The following FOXP2 variants were observed in gnomAD, a reference collection of about 807,000 sequenced individuals.
FOXP2 encodes forkhead box protein P2.
FOXP2 carries 12 observed loss-of-function variants against 115.8 expected under a neutral mutation model. The ratio of observed to expected loss-of-function variants is 0.10; its 90% confidence interval spans 0.07 to 0.17. The LOEUF is 0.17. FOXP2 is among the 10% of genes least tolerant of loss of function. The pLI is 1.00. For missense variants in FOXP2, 629 were observed against 843.5 expected, an observed-to-expected ratio of 0.75 and a Z score of 3.15; for synonymous variants, 328 against 297.7, an observed-to-expected ratio of 1.10 and a Z score of -1.05.
At chr7:114,145,431 T>TTTTTCTTTTTTCTTTTA (rs1554421627) in intron 1 of FOXP2, among the ~76,000 whole-genome samples, 2 of 100,446 alleles carry the variant, frequency 2.0e-5, no homozygotes, top group East Asian at 2.3e-4. Flanking sequence ...GCTTTGCCAT[T>TTTTTCTTTTTTCTTTTA]TTTTCTTTTC....
chr7:114,562,043 T>C (rs140744568), intron 3 of FOXP2, among the ~76,000 whole-genome samples: 9 of 152,242 alleles, frequency 5.9e-5, no homozygotes, highest in Non-Finnish European at 1.0e-4. Context: ...TACTCTCTTG[T>C]TATTCCCACA....
chr7:114,673,133 T>C (rs1282893606), intron 16 of FOXP2, among the ~76,000 whole-genome samples: 1 of 152,184 alleles, frequency 6.6e-6, no homozygotes, highest in Non-Finnish European at 1.5e-5. Flanking sequence ...CAAAGGAGAA[T>C]TGGAGCAGCA....
chr7:114,644,798 T>C lies in FOXP2; in HGVS notation c.1094+9T>C. ...TTTGGACAGTTTTTAAAGTAGGTTT[T>C]TTACTTTTTTTTGGTGGGGGGCGGG... On this transcript the variant is annotated intron_variant, in intron 8 of 16. Coordinates refer to ENST00000350908, the MANE Select transcript of FOXP2 (RefSeq NM_014491.4). The C allele has an allele frequency of 6.2e-7, 1 of 1,610,544 alleles. No homozygotes were observed. The highest frequency in any genetic ancestry group is 1.7e-5 in the Admixed American group (1 of 59,928).
intron 3 of FOXP2, among the ~76,000 whole-genome samples, chr7:114,558,183 G>A (rs534595234): frequency 6.6e-6 from 1 of 152,260 alleles, no homozygotes; most frequent in Admixed American, 6.5e-5. Context: ...AAACACGTAT[G>A]AAGTCATGGG....
intron 16 of FOXP2, among the ~76,000 whole-genome samples, chr7:114,671,525 A>T (rs1176906066): frequency 1.3e-5 from 2 of 152,178 alleles, no homozygotes; most frequent in African/African-American, 2.4e-5. Context: ...TTTTATATCT[A>T]AAGAAGGTAC....
intron 3 of FOXP2, among the ~76,000 whole-genome samples, chr7:114,604,970 G>GA (rs1368886701): frequency 6.6e-6 from 1 of 152,146 alleles, no homozygotes; most frequent in African/African-American, 2.4e-5. Flanking sequence ...GAGCCCATAA[G>GA]AAATGGGCAG....
At chr7:114,098,583 A>T (rs1244991988) in intron 1 of FOXP2, among the ~76,000 whole-genome samples, 1 of 152,220 alleles carries the variant, frequency 6.6e-6, no homozygotes, top group Non-Finnish European at 1.5e-5. Context: ...CAAAATGGAT[A>T]AAAGACCTAC....
rs1177819838 is a variant in FOXP2, at chr7:114,692,052, A to G, written c.*2126A>G. On this transcript the variant is annotated 3_prime_UTR_variant, in exon 17 of 17. Transcript: ENST00000350908. ...TATGTTTGTCTTTGGGTCATGATCA[A>G]CGAACCGGAAGTTTACAATATGGTA... 8.8e-6 allele frequency: 4 copies of G among 454,014 alleles called. No homozygotes were observed. The highest frequency in any genetic ancestry group is 4.0e-5 in the African/African-American group (2 of 49,966). 28.1% of individuals were successfully genotyped at this position (454,014 alleles called of 1,614,324 possible).
chr7:114,513,853 A>G (rs1798193537), intron 2 of FOXP2, among the ~76,000 whole-genome samples: 1 of 152,076 alleles, frequency 6.6e-6, no homozygotes, highest in African/African-American at 2.4e-5. Flanking sequence ...TTTTTTATAT[A>G]TCACAAACAA....
At chr7:114,575,553 C>CT (rs1443636383) in intron 3 of FOXP2, among the ~76,000 whole-genome samples, 1 of 151,816 alleles carries the variant, frequency 6.6e-6, no homozygotes, top group Non-Finnish European at 1.5e-5. Flanking sequence ...TCTCCAAATG[C>CT]TTTCTGACTT....
chr7:114,318,112 A>G (rs1289898738), intron 2 of FOXP2, among the ~76,000 whole-genome samples: 1 of 152,228 alleles, frequency 6.6e-6, no homozygotes, highest in African/African-American at 2.4e-5. Flanking sequence ...CTCATTAGAA[A>G]AAATTCTAAT....
intron 10 of FOXP2, among the ~76,000 whole-genome samples, chr7:114,654,656 G>A (rs1266767130): frequency 2.0e-5 from 3 of 152,248 alleles, no homozygotes; most frequent in African/African-American, 4.8e-5. Flanking sequence ...AATGTAGTCA[G>A]ATACACAGAC....
Position 114,420,812 on chromosome 7 carries a change from G to A in FOXP2, c.-11+5452G>A, listed in dbSNP as rs546932809. 2.6e-3 allele frequency among the ~76,000 whole-genome samples: 388 copies of A among 151,742 alleles called. 1 individual carries two copies. Among genetic ancestry groups the A allele is most frequent in the African/African-American group, 9.0e-3 (375 of 41,442 alleles). Reference sequence around the variant, plus strand: ...TTTTAAAACATTTAAATGATTTAATGAATTAAACTAACATTAAAATTTATA... The same window carrying A: ...TTTTAAAACATTTAAATGATTTAATAAATTAAACTAACATTAAAATTTATA... On this transcript the variant is annotated intron_variant, in intron 1 of 16. Coordinates refer to ENST00000350908, the MANE Select transcript of FOXP2 (RefSeq NM_014491.4).
chr7:114,383,555 TGG>T (rs1792363665), intron 2 of FOXP2, among the ~76,000 whole-genome samples: 1 of 152,172 alleles, frequency 6.6e-6, no homozygotes, highest in Non-Finnish European at 1.5e-5. Context: ...TTTGCACATA[TGG>T]CACTTCACTC....
At chr7:114,315,814 T>C (rs1181122313) in intron 2 of FOXP2, among the ~76,000 whole-genome samples, 1 of 152,178 alleles carries the variant, frequency 6.6e-6, no homozygotes, top group African/African-American at 2.4e-5. Flanking sequence ...TATAACCTTG[T>C]GTTACGTGTA....
intron 1 of FOXP2, among the ~76,000 whole-genome samples, chr7:114,195,038 A>G (rs1303639431): frequency 6.6e-6 from 1 of 152,126 alleles, no homozygotes; most frequent in African/African-American, 2.4e-5. Context: ...AATGCATTTA[A>G]ACCAAACTCA....
At chr7:114,532,415 T>G (rs1799184329) in intron 2 of FOXP2, among the ~76,000 whole-genome samples, 1 of 151,928 alleles carries the variant, frequency 6.6e-6, no homozygotes, top group African/African-American at 2.4e-5. Context: ...TCTCCTTTAC[T>G]AGAGTCTTAC....
At chr7:114,495,510 T>G (rs1392693434) in intron 2 of FOXP2, among the ~76,000 whole-genome samples, 5 of 137,020 alleles carry the variant, frequency 3.6e-5, no homozygotes, top group African/African-American at 1.4e-4. Context: ...TTTTTTTTTT[T>G]TTTGTTATTG....
chr7:114,618,402 T>C (rs191755113), intron 3 of FOXP2, among the ~76,000 whole-genome samples: 70 of 152,300 alleles, frequency 4.6e-4, no homozygotes, highest in African/African-American at 1.6e-3. Flanking sequence ...ACAAAGAATC[T>C]TATGAGCAAG....
Sources: gnomAD v4.1 joint callset for allele counts (sites outside exome capture counted in the v4.1 genomes callset) on GRCh38, gnomAD v4.1.1 for gene constraint, MANE v1.5 for transcripts, NCBI Gene and HGNC (gene_info 2026-07-23, HGNC 2026-07-21) for gene names.